POLK: variants seen among roughly 807,000 people sequenced by gnomAD.
The protein encoded by POLK is DNA polymerase kappa.
Under a neutral mutation model 94.0 loss-of-function variants are expected in POLK, and 76 were observed. The ratio of observed to expected loss-of-function variants is 0.81; its 90% CI spans 0.67 to 0.98. The LOEUF is 0.98. Ranked by LOEUF, POLK falls within the 50% of genes least tolerant of loss-of-function variation. The probability of loss-of-function intolerance (pLI) is 0.00; values close to 1 mark genes in which losing one functional copy is unlikely to be tolerated. For synonymous variants in POLK, 349 were observed against 325.4 expected, an observed-to-expected ratio of 1.07 and a Z score of -0.78; for missense variants, 954 against 1,010.1, an observed-to-expected ratio of 0.94 and a Z score of 0.75.
intron 1 of POLK, among the ~76,000 whole-genome samples, chr5:75,543,493 T>C (rs1449294097): frequency 2.0e-5 from 3 of 152,086 alleles, no homozygotes; most frequent in African/African-American, 4.8e-5. Flanking sequence ...CTGGAATAGA[T>C]TAGAGTTGCC....
chr5:75,599,880 C>T (rs1276893894), exon 15 of POLK: 2 of 152,050 alleles, frequency 1.3e-5, no homozygotes, highest in African/African-American at 4.8e-5. Flanking sequence ...CTTTTGTTTT[C>T]TGTGCCCAGA....
At chr5:75,521,369 A>G (rs1266734130) in intron 1 of POLK, among the ~76,000 whole-genome samples, 1 of 151,460 alleles carries the variant, frequency 6.6e-6, no homozygotes, top group Non-Finnish European at 1.5e-5. Context: ...TTGATCCACT[A>G]TGTTGTTGAG....
intron 5 of POLK, among the ~76,000 whole-genome samples, chr5:75,576,347 T>G (rs1397410236): frequency 6.6e-6 from 1 of 152,228 alleles, no homozygotes; most frequent in Non-Finnish European, 1.5e-5. Flanking sequence ...TATATAAGAT[T>G]ATTCCTTTTT....
intron 1 of POLK, among the ~76,000 whole-genome samples, chr5:75,515,415 A>G (rs1768277155): frequency 1.3e-5 from 2 of 152,126 alleles, no homozygotes; most frequent in African/African-American, 4.8e-5. Flanking sequence ...GGCCTCCCAA[A>G]GTGTTGAGAT....
At chr5:75,536,426 T>TC (rs1561345566) in intron 1 of POLK, among the ~76,000 whole-genome samples, 1 of 152,150 alleles carries the variant, frequency 6.6e-6, no homozygotes, top group Non-Finnish European at 1.5e-5. Context: ...GATTGGAAGT[T>TC]CTCGTAGATG....
intron 1 of POLK, among the ~76,000 whole-genome samples, chr5:75,542,563 T>G (rs1031033100): frequency 2.6e-5 from 4 of 151,610 alleles, no homozygotes; most frequent in Non-Finnish European, 4.4e-5. Flanking sequence ...AACAAAAGTT[T>G]GCCTTATATG....
chr5:75,540,856 C>T (rs978696558), intron 1 of POLK, among the ~76,000 whole-genome samples: 1 of 152,254 alleles, frequency 6.6e-6, no homozygotes, highest in African/African-American at 2.4e-5. Flanking sequence ...TTCCAAGAAA[C>T]AATCAACTCC....
Position 75,530,700 on chromosome 5 carries a change from A to G in POLK, c.-13-16310A>G, listed in dbSNP as rs545441828. Reference sequence around the variant, plus strand: ...ATATATTGTTATTAATTTTATTTTTATCTGTATATTAGTCTGTTCATTCAT... The same window carrying G: ...ATATATTGTTATTAATTTTATTTTTGTCTGTATATTAGTCTGTTCATTCAT... On this transcript the variant is annotated intron_variant, in intron 1 of 14. Transcript: ENST00000241436. Among the ~76,000 whole-genome samples the G allele has an allele frequency of 1.0e-3, 159 of 151,610 alleles. 2 individuals are homozygous for G. Among genetic ancestry groups the G allele is most frequent in the Non-Finnish European group, 2.0e-3 (134 of 67,924 alleles).
intron 2 of POLK, among the ~76,000 whole-genome samples, chr5:75,549,526 C>A (rs1469960504): frequency 3.3e-5 from 5 of 151,232 alleles, no homozygotes; most frequent in South Asian, 4.2e-4. Context: ...TGATATATAT[C>A]AAAAATATAT....
At chr5:75,596,764 A>C in exon 13 of POLK, 1 of 1,612,416 alleles carries the variant, frequency 6.2e-7, no homozygotes. Flanking sequence ...AGCCCATCCA[A>C]AAATTAAAGA....
chr5:75,605,283 A>ATTGC (rs1773396149), downstream of POLK, among the ~76,000 whole-genome samples: 1 of 152,042 alleles, frequency 6.6e-6, no homozygotes, highest in Admixed American at 6.5e-5. Flanking sequence ...CTTCTAACTC[A>ATTGC]TTGCTTAGCT....
intron 3 of POLK, among the ~76,000 whole-genome samples, chr5:75,555,089 A>G (rs1770549862): frequency 6.6e-6 from 1 of 152,220 alleles, no homozygotes; most frequent in Admixed American, 6.5e-5. Context: ...CTCCCCTGCT[A>G]TCACATCCCC....
chr5:75,533,798 A>C (rs182514162), intron 1 of POLK, among the ~76,000 whole-genome samples: 174 of 152,098 alleles, frequency 1.1e-3, no homozygotes, highest in African/African-American at 4.0e-3. Flanking sequence ...TTGTAGAGCT[A>C]TTTCACCTCC....
At chr5:75,531,127 T>C (rs1490131765) in intron 1 of POLK, among the ~76,000 whole-genome samples, 1 of 152,052 alleles carries the variant, frequency 6.6e-6, no homozygotes, top group African/African-American at 2.4e-5. Context: ...ATTTATATTT[T>C]AGTTGAAATA....
rs772154307 is a variant in POLK, at chr5:75,533,553, C to A, written c.-13-13457C>A. 5.9e-5 allele frequency among the ~76,000 whole-genome samples: 9 copies of A among 152,202 alleles called. 1 individual carries two copies. The Middle Eastern group carries it at 0.027, about 460-fold the overall frequency. On this transcript the variant is annotated intron_variant, in intron 1 of 14. Coordinates refer to ENST00000241436, the Ensembl canonical transcript of POLK. Reference sequence around the variant, plus strand: ...GCTTTGTTCTTTTTGCTTAGGGTTACCTTGGCTATTCGAGCTCTTTTTTGG... The same window carrying A: ...GCTTTGTTCTTTTTGCTTAGGGTTAACTTGGCTATTCGAGCTCTTTTTTGG...
At chr5:75,573,922 A>G (rs1200970415) in intron 5 of POLK, 53 bp downstream of exon 5, 1 of 1,585,216 alleles carries the variant, frequency 6.3e-7, no homozygotes, top group Non-Finnish European at 8.7e-7. Flanking sequence ...CCTGTCACCT[A>G]CAGAATCTCA....
chr5:75,607,806 G>A, the POLK span, among the ~76,000 whole-genome samples: 1 of 152,300 alleles, frequency 6.6e-6, no homozygotes, highest in East Asian at 1.9e-4. Context: ...AGCTGATAAA[G>A]GACATAAAGA....
At chr5:75,551,632 A>C (rs1770337521) in intron 2 of POLK, among the ~76,000 whole-genome samples, 1 of 152,216 alleles carries the variant, frequency 6.6e-6, no homozygotes, top group African/African-American at 2.4e-5. Flanking sequence ...ATTAGTCATC[A>C]GGGAAATAAA....
intron 1 of POLK, among the ~76,000 whole-genome samples, chr5:75,531,798 A>T (rs1180084249): frequency 6.6e-6 from 1 of 152,146 alleles, no homozygotes; most frequent in Non-Finnish European, 1.5e-5. Flanking sequence ...TCTCAAAAAA[A>T]AAAATAAGAA....
Sources: gnomAD v4.1 joint callset for allele counts (sites outside exome capture counted in the v4.1 genomes callset) on GRCh38, gnomAD v4.1.1 for gene constraint, MANE v1.5 for transcripts, NCBI Gene and HGNC (gene_info 2026-07-23, HGNC 2026-07-21) for gene names.